The following CEP76 variants were observed in gnomAD, a reference collection of about 807,000 sequenced individuals.
CEP76 encodes centrosomal protein 76.
A neutral mutation model predicts 83.3 loss-of-function variants in CEP76; 55 were observed. The ratio of observed to expected loss-of-function variants is 0.66; its 90% confidence interval spans 0.53 to 0.83. The LOEUF (loss-of-function observed/expected upper bound fraction) is 0.83, where lower values mean the gene tolerates loss of function less well. Among genes scored for constraint, CEP76 ranks in the 40% least tolerant of loss-of-function variants. The pLI is 0.00. For missense variants in CEP76, 694 were observed against 799.5 expected, an observed-to-expected ratio of 0.87 and a Z score of 1.59; for synonymous variants, 270 against 274.5, an observed-to-expected ratio of 0.98 and a Z score of 0.16.
chr18:12,666,848 A>G (rs1808299969), intron 12 of CEP76, among the ~76,000 whole-genome samples: 1 of 152,174 alleles, frequency 6.6e-6, no homozygotes, highest in South Asian at 2.1e-4. Flanking sequence ...CAGGTTTATC[A>G]AAACTGAAGA....
chr18:12,675,010 A>C (rs1210688277), intron 10 of CEP76, among the ~76,000 whole-genome samples: 3 of 152,326 alleles, frequency 2.0e-5, no homozygotes, highest in Non-Finnish European at 2.9e-5. Flanking sequence ...CAAATCCTGT[A>C]CTTCTCTAAT....
Position 12,673,326 on chromosome 18 carries a change from C to A in CEP76, c.*39G>T. The A allele has an allele frequency of 1.3e-6, 2 of 1,563,622 alleles. No individual in the cohort carries two copies. The highest frequency in any genetic ancestry group is 2.1e-5 in the Admixed American group (1 of 46,610). On this transcript the variant is annotated 3_prime_UTR_variant, in exon 12 of 12. Coordinates refer to ENST00000262127, the MANE Select transcript of CEP76 (RefSeq NM_024899.4). ...AAGTAATGTACAATGTGTAAAATTC[C>A]AATTAAACACAGGTATAAATCTTAT...
intron 11 of CEP76, among the ~76,000 whole-genome samples, chr18:12,674,000 T>C (rs1360828568): frequency 6.6e-6 from 1 of 152,200 alleles, no homozygotes; most frequent in Non-Finnish European, 1.5e-5. Flanking sequence ...AAATCAGAGA[T>C]ACCTGAGACT....
chr18:12,698,877 C>T, intron 4 of CEP76, 102 bp downstream of exon 4: 1 of 773,146 alleles, frequency 1.3e-6, no homozygotes, highest in South Asian at 2.0e-5. Context: ...GAGATTCCTC[C>T]ATTATAAATC....
rs2040058655 is a variant in CEP76, at chr18:12,699,044, A to G, written c.455T>C (p.Val152Ala). Residue 152 changes from valine (V) to alanine (A), a missense_variant, in exon 4 of 12, where the codon GTT becomes GCT. By Grantham distance (64) the Val-to-Ala change is moderately conservative. Transcript: ENST00000262127. Reference protein sequence around the residue: ...YRNQRFRSKPVPCACEPDFHD... With the variant: ...YRNQRFRSKPAPCACEPDFHD... ...AAAATCTGGTTCACAGGCACATGGA[A>G]CAGGTTTAGAACGAAAACGTTGGTT... 2.5e-6 allele frequency: 4 copies of G among 1,613,998 alleles called. No individual in the cohort carries two copies. Among genetic ancestry groups the G allele is most frequent in the Non-Finnish European group, 3.4e-6 (4 of 1,179,998 alleles).
chr18:12,694,540 C>G (rs992706393), intron 6 of CEP76, among the ~76,000 whole-genome samples: 3 of 152,094 alleles, frequency 2.0e-5, no homozygotes, highest in African/African-American at 7.2e-5. Flanking sequence ...GGGAAAAAAG[C>G]CTCTCCAAAC....
intron 6 of CEP76, 132 bp from the exon 7 acceptor site, chr18:12,691,619 C>A: frequency 1.7e-6 from 1 of 585,672 alleles, no homozygotes; most frequent in East Asian, 3.0e-5. Context: ...CTATAAGAGC[C>A]TCCTGACTTC....
rs1335282149 is a variant in CEP76 at position 12,673,457 on chromosome 18, G to A, written c.1888C>T (p.Arg630Ter). 9 of 1,588,408 alleles carry A rather than the reference G, an allele frequency of 5.7e-6. No individual in the cohort carries two copies. The highest frequency in any genetic ancestry group is 1.4e-5 in the African/African-American group (1 of 72,842). Residue 630 changes from arginine to a stop codon, truncating the protein, a stop_gained, in exon 12 of 12, where the codon CGA (arginine) becomes TGA (stop). Coordinates refer to ENST00000262127, the MANE Select transcript of CEP76 (RefSeq NM_024899.4). LOFTEE classifies it high-confidence loss of function. ...EIICCRGDQV[R>*]LAVRVRVFTY... ...AATACTCGGACACGAACTGCCAGTC[G>A]CACTTGGTCTCCACGGCAACAGATT...
intron 4 of CEP76, 119 bp from the exon 5 acceptor site, chr18:12,697,527 G>A: frequency 1.4e-6 from 1 of 693,596 alleles, no homozygotes; most frequent in Non-Finnish European, 2.2e-6. Flanking sequence ...AGAACAATTT[G>A]CTAATGTCTC....
chr18:12,673,951 G>GCTATT (rs377290781), intron 11 of CEP76, among the ~76,000 whole-genome samples: 34 of 152,240 alleles, frequency 2.2e-4, no homozygotes, highest in African/African-American at 8.2e-4. Context: ...TTTTGGTCAA[G>GCTATT]CTATTCAAAT....
At chr18:12,677,895 A>C (rs771713395) in intron 10 of CEP76, among the ~76,000 whole-genome samples, 2 of 152,220 alleles carry the variant, frequency 1.3e-5, no homozygotes, top group African/African-American at 4.8e-5. Context: ...AGGAGGAAGT[A>C]ATTCATTCTA....
intron 1 of CEP76, among the ~76,000 whole-genome samples, chr18:12,701,845 T>C (rs1046803913): frequency 3.3e-5 from 5 of 152,214 alleles, no homozygotes; most frequent in African/African-American, 1.2e-4. Context: ...GAAACCCTGA[T>C]ATCTGCCGGG....
Position 12,695,315 on chromosome 18 carries a change from A to T in CEP76, c.743T>A (p.Ile248Lys). The part of the protein sequence containing the change: ...ESKVSVGILN[I>K]KLEMYPPLNQ... ...GAGTGGTGGATACATTTCAAGTTTT[A>T]TATTTAAAATTCCCACAGAAACTTT... Residue 248 changes from isoleucine to lysine, a missense_variant, in exon 6 of 12, where the codon ATA becomes AAA. Ile to Lys is a moderately radical substitution (Grantham distance 102, BLOSUM62 -3). Coordinates refer to ENST00000262127, the MANE Select transcript of CEP76 (RefSeq NM_024899.4). The T allele has an allele frequency of 6.4e-7, 1 of 1,568,590 alleles. No individual in the cohort carries two copies. The highest frequency in any genetic ancestry group is 8.7e-7 in the Non-Finnish European group (1 of 1,145,964).
chr18:12,692,338 C>T (rs2039798455), intron 6 of CEP76: 1 of 151,718 alleles, frequency 6.6e-6, no homozygotes, highest in Admixed American at 6.6e-5. Context: ...AACATACTGT[C>T]ATTCTCTTGT....
At chr18:12,676,196 G>T (rs187823289) in intron 10 of CEP76, among the ~76,000 whole-genome samples, 34 of 151,022 alleles carry the variant, frequency 2.3e-4, no homozygotes, top group Non-Finnish European at 4.4e-4. Flanking sequence ...AACTTTTGCT[G>T]ATTTACAGGC....
rs1377133147 is a variant in CEP76 at position 12,701,071 on chromosome 18, T to C, written c.106A>G (p.Ile36Val). 3.7e-6 allele frequency: 6 copies of C among 1,613,682 alleles called. No individual in the cohort carries two copies. In the Admixed American group the frequency reaches 5.0e-5, roughly 13 times the overall value. The stretch of plus-strand genomic sequence containing the variant: ...TGATCAGGTGCCAATTCTTCCCGTA[T>C]AGTCTCAGCAAGGATTTCTCTTATT... ...GRIREILAET[I>V]REELAPDQQH... Residue 36 changes from isoleucine to valine, a missense_variant, in exon 2 of 12, where the codon ATA (isoleucine) becomes GTA (valine). Transcript: ENST00000262127.
At chr18:12,678,087 C>T (rs1202747613) in intron 10 of CEP76, 22 bp downstream of exon 10, 4 of 1,569,070 alleles carry the variant, frequency 2.5e-6, no homozygotes, top group Non-Finnish European at 3.5e-6. Flanking sequence ...TATGAAACTA[C>T]AACTATTTCA....
rs2039537754 is a variant in CEP76, at chr18:12,686,279, A to G, written c.1105T>C (p.Phe369Leu). The G allele has an allele frequency of 2.5e-6, 4 of 1,613,334 alleles. No individual in the cohort carries two copies. The South Asian group carries it at 3.3e-5, about 13-fold the overall frequency. The change falls in exon 8 of 12, where the codon TTT (phenylalanine) becomes CTT (leucine). Residue 369 changes from phenylalanine (F) to leucine (L), a missense_variant. Phe to Leu is a conservative substitution (Grantham distance 22). Transcript: ENST00000262127. ...TATAATACCTTGTTTCTACAGAGAA[A>G]GGCCAGCAGAGTGCACCACTGCTCC... ...KQEQWCTLLA[F>L]LCRNKGDCED...
At chr18:12,679,633 A>G (rs188584932) in intron 9 of CEP76, among the ~76,000 whole-genome samples, 3 of 152,174 alleles carry the variant, frequency 2.0e-5, no homozygotes, top group Admixed American at 6.6e-5. Context: ...TCAAAATCTA[A>G]TGACAGGCTA....
Sources: gnomAD v4.1 joint callset for allele counts (sites outside exome capture counted in the v4.1 genomes callset) on GRCh38, gnomAD v4.1.1 for gene constraint, MANE v1.5 for transcripts, NCBI Gene and HGNC (gene_info 2026-07-23, HGNC 2026-07-21) for gene names.